The following SPIRE1 variants were observed in gnomAD, a reference collection of about 807,000 sequenced individuals.
The protein encoded by SPIRE1 is spire type actin nucleation factor 1, also known as protein spire homolog 1.
Under a neutral mutation model 94.1 loss-of-function variants are expected in SPIRE1, and 40 were observed. The observed-to-expected ratio is 0.43, with a 90% CI of 0.33 to 0.55. The LOEUF (loss-of-function observed/expected upper bound fraction) is 0.55. SPIRE1 is among the 20% of genes least tolerant of loss of function. The pLI is 0.06. For synonymous variants in SPIRE1, 376 were observed against 371.7 expected (o/e 1.01, Z -0.13); for missense variants, 838 against 975.2 (o/e 0.86, Z 1.87).
At chr18:12,465,060 C>T in intron 10 of SPIRE1, 102 bp from the exon 11 acceptor site, 8 of 934,104 alleles carry the variant, frequency 8.6e-6, no homozygotes, top group Non-Finnish European at 1.3e-5. Context: ...CATGAGGCAC[C>T]AAAGTATGTC....
At chr18:12,543,934 G>C (rs977576760) in intron 3 of SPIRE1, among the ~76,000 whole-genome samples, 1 of 152,200 alleles carries the variant, frequency 6.6e-6, no homozygotes, top group Non-Finnish European at 1.5e-5. Flanking sequence ...ACTACACGAT[G>C]AGGAATCATG....
At chr18:12,648,914 A>C (rs912021335) in intron 1 of SPIRE1, among the ~76,000 whole-genome samples, 2 of 151,460 alleles carry the variant, frequency 1.3e-5, no homozygotes, top group Non-Finnish European at 2.9e-5. Flanking sequence ...AAAAAAAAGA[A>C]AAAGGACATT....
rs149384280 is a variant in SPIRE1 at position 12,630,049 on chromosome 18, A to G, written c.372+5013T>C. 2.7e-4 allele frequency among the ~76,000 whole-genome samples: 41 copies of G among 152,332 alleles called. 1 individual carries two copies. The highest frequency in any genetic ancestry group is 3.4e-3 in the Middle Eastern group (1 of 292). Reference sequence around the variant, plus strand: ...TGCTTTCTCAGAACTCATAATTTTTAATTTTTAAGAATATGGTAAAAGTGC... The same window carrying G: ...TGCTTTCTCAGAACTCATAATTTTTGATTTTTAAGAATATGGTAAAAGTGC... On this transcript the variant is annotated intron_variant, in intron 2 of 16. Transcript: ENST00000409402.
At chr18:12,464,431 A>T (rs2032005209) in intron 11 of SPIRE1, among the ~76,000 whole-genome samples, 1 of 152,232 alleles carries the variant, frequency 6.6e-6, no homozygotes, top group Non-Finnish European at 1.5e-5. Flanking sequence ...AACTTTAGAT[A>T]TCTGTGTTCA....
At chr18:12,539,129 G>A (rs138084408) in intron 3 of SPIRE1, among the ~76,000 whole-genome samples, 9 of 152,318 alleles carry the variant, frequency 5.9e-5, no homozygotes, top group East Asian at 1.9e-4. Flanking sequence ...CTACGTACCA[G>A]GCACTGTGGC....
At chr18:12,457,990 G>T (rs184452282) in intron 12 of SPIRE1, among the ~76,000 whole-genome samples, 1 of 151,058 alleles carries the variant, frequency 6.6e-6, no homozygotes, top group Non-Finnish European at 1.5e-5. Flanking sequence ...GACGACAGGC[G>T]CCCGCCACTG....
chr18:12,479,930 A>G, intron 9 of SPIRE1, 59 bp from the exon 10 acceptor site: 3 of 1,513,076 alleles, frequency 2.0e-6, no homozygotes, highest in South Asian at 2.5e-5. Context: ...CTGTGTTGGA[A>G]GCATACCAGG....
At chr18:12,499,362 T>C (rs1255696427) in intron 6 of SPIRE1, among the ~76,000 whole-genome samples, 1 of 152,222 alleles carries the variant, frequency 6.6e-6, no homozygotes, top group Non-Finnish European at 1.5e-5. Flanking sequence ...TTTTATATCC[T>C]ACACTGTTTT....
intron 6 of SPIRE1, among the ~76,000 whole-genome samples, chr18:12,499,475 C>T (rs376344469): frequency 3.2e-4 from 48 of 150,956 alleles, no homozygotes; most frequent in African/African-American, 9.7e-4. Flanking sequence ...CTTGAGATTC[C>T]GTAAGAATTT....
intron 2 of SPIRE1, among the ~76,000 whole-genome samples, chr18:12,602,010 G>C (rs2036846798): frequency 6.6e-6 from 1 of 152,130 alleles, no homozygotes; most frequent in Admixed American, 6.6e-5. Context: ...GTGACTAGTT[G>C]TGCTCACTTG....
At chr18:12,576,911 G>T (rs970629503) in intron 2 of SPIRE1, among the ~76,000 whole-genome samples, 1 of 142,986 alleles carries the variant, frequency 7.0e-6, no homozygotes, top group Non-Finnish European at 1.6e-5. Context: ...AAAAAAAAAG[G>T]CTTACAATAA....
intron 4 of SPIRE1, among the ~76,000 whole-genome samples, chr18:12,513,398 A>T (rs944618913): frequency 1.3e-5 from 2 of 152,110 alleles, no homozygotes; most frequent in Admixed American, 6.6e-5. Flanking sequence ...TTTTAAAAAA[A>T]TTTTTCCCTA....
chr18:12,601,450 C>G (rs2036832990), intron 2 of SPIRE1, among the ~76,000 whole-genome samples: 1 of 151,910 alleles, frequency 6.6e-6, no homozygotes, highest in South Asian at 2.1e-4. Context: ...AAAACAGAAC[C>G]AAACTGCTTT....
chr18:12,500,761 T>C (rs764969086), intron 6 of SPIRE1, among the ~76,000 whole-genome samples: 4 of 152,028 alleles, frequency 2.6e-5, no homozygotes, highest in Non-Finnish European at 5.9e-5. Context: ...AAAATATATC[T>C]GTATAGCCAT....
intron 2 of SPIRE1, among the ~76,000 whole-genome samples, chr18:12,582,146 G>A (rs2036272375): frequency 6.6e-6 from 1 of 152,040 alleles, no homozygotes; most frequent in East Asian, 1.9e-4. Flanking sequence ...TATAAACCAT[G>A]GTAAATTTCA....
chr18:12,517,214 T>C (rs74882527), intron 4 of SPIRE1, among the ~76,000 whole-genome samples: 3,127 of 152,350 alleles, frequency 0.021, 38 homozygotes, highest in Non-Finnish European at 0.03. Flanking sequence ...TTAGTTATTA[T>C]GTCAATGAAT....
chr18:12,533,969 A>ACACACC (rs1440306764), intron 4 of SPIRE1, among the ~76,000 whole-genome samples: 1 of 144,738 alleles, frequency 6.9e-6, no homozygotes, highest in Non-Finnish European at 1.5e-5. Context: ...ACACACACAC[A>ACACACC]ACTTATTTAT....
At chr18:12,627,412 T>G (rs548820113) in intron 2 of SPIRE1, among the ~76,000 whole-genome samples, 1 of 152,364 alleles carries the variant, frequency 6.6e-6, no homozygotes, top group African/African-American at 2.4e-5. Context: ...TATGGCTGCA[T>G]AGTATTCCAT....
chr18:12,612,587 A>C (rs2037173553), intron 2 of SPIRE1, among the ~76,000 whole-genome samples: 1 of 152,218 alleles, frequency 6.6e-6, no homozygotes, highest in Non-Finnish European at 1.5e-5. Flanking sequence ...GTTATCTCTG[A>C]CCCAACTCAA....
Sources: gnomAD v4.1 joint callset for allele counts (sites outside exome capture counted in the v4.1 genomes callset) on GRCh38, gnomAD v4.1.1 for gene constraint, MANE v1.5 for transcripts, NCBI Gene and HGNC (gene_info 2026-07-23, HGNC 2026-07-21) for gene names.